SUPT3H: variants seen among roughly 807,000 people sequenced by gnomAD.
SUPT3H encodes transcription initiation protein SPT3 homolog.
SUPT3H carries 44 observed loss-of-function variants against 44.3 expected under a neutral mutation model. The observed-to-expected ratio is 0.99, with a 90% CI of 0.78 to 1.28. SUPT3H has a LOEUF of 1.28. Among genes scored for constraint, SUPT3H ranks in the 50% most tolerant of loss-of-function variants. The pLI is 0.00. For synonymous variants in SUPT3H, 124 were observed against 125.6 expected, an observed-to-expected ratio of 0.99 and a Z score of 0.09; for missense variants, 380 against 387.1, an observed-to-expected ratio of 0.98 and a Z score of 0.15.
chr6:45,354,757 T>C (rs891634330), intron 2 of SUPT3H, among the ~76,000 whole-genome samples: 4 of 152,072 alleles, frequency 2.6e-5, no homozygotes, highest in African/African-American at 9.7e-5. Context: ...CCCAGTACTT[T>C]GGGAGGCTGA....
At chr6:45,062,523 T>G (rs1792293205) in intron 3 of SUPT3H, among the ~76,000 whole-genome samples, 1 of 151,940 alleles carries the variant, frequency 6.6e-6, no homozygotes, top group Non-Finnish European at 1.5e-5. Flanking sequence ...AGAAGACGGG[T>G]GATTTCTGCA....
intron 2 of SUPT3H, among the ~76,000 whole-genome samples, chr6:45,286,199 G>A (rs889965037): frequency 2.2e-4 from 33 of 151,816 alleles, no homozygotes; most frequent in African/African-American, 4.4e-4. Flanking sequence ...AGGACTTCAT[G>A]TCTAAAACAC....
At chr6:45,079,448 GGGAAGAGGA>G (rs1447517620) in intron 3 of SUPT3H, among the ~76,000 whole-genome samples, 1 of 150,022 alleles carries the variant, frequency 6.7e-6, no homozygotes, top group African/African-American at 2.4e-5. Flanking sequence ...AAGAAGAAGG[GGGAAGAGGA>G]GGAAGAAGAA....
chr6:45,123,707 G>T (rs1169815425), intron 2 of SUPT3H, among the ~76,000 whole-genome samples: 4 of 152,132 alleles, frequency 2.6e-5, no homozygotes, highest in Non-Finnish European at 5.9e-5. Context: ...TTCTGGAAAA[G>T]GTCAGACAGT....
intron 3 of SUPT3H, among the ~76,000 whole-genome samples, chr6:45,023,347 C>T (rs1166971168): frequency 1.3e-5 from 2 of 151,764 alleles, no homozygotes; most frequent in African/African-American, 2.4e-5. Context: ...TAAATTAGTT[C>T]AACCATTGTG....
intron 2 of SUPT3H, among the ~76,000 whole-genome samples, chr6:45,291,742 C>CA (rs1562889616): frequency 1.3e-5 from 2 of 151,890 alleles, no homozygotes; most frequent in African/African-American, 2.4e-5. Flanking sequence ...CAACAAAGAC[C>CA]AAAAAAATCA....
At chr6:44,813,522 C>G (rs1458412343) in intron 11 of SUPT3H, among the ~76,000 whole-genome samples, 2 of 150,336 alleles carry the variant, frequency 1.3e-5, no homozygotes, top group Non-Finnish European at 2.9e-5. Context: ...TATATGATGT[C>G]TGGCATTCAG....
chr6:44,812,764 C>T (rs897013445), intron 11 of SUPT3H, among the ~76,000 whole-genome samples: 9 of 152,140 alleles, frequency 5.9e-5, no homozygotes, highest in Non-Finnish European at 1.0e-4. Flanking sequence ...GCCAAACAGT[C>T]TGGGAATTAT....
intron 6 of SUPT3H, among the ~76,000 whole-genome samples, chr6:44,977,410 A>G (rs1441682467): frequency 6.6e-6 from 1 of 152,210 alleles, no homozygotes; most frequent in Non-Finnish European, 1.5e-5. Context: ...ATTTCCATTT[A>G]TAGAAGAAAC....
chr6:45,127,764 T>C (rs1055909360), intron 2 of SUPT3H, among the ~76,000 whole-genome samples: 3 of 152,142 alleles, frequency 2.0e-5, no homozygotes, highest in Non-Finnish European at 4.4e-5. Context: ...CAATTTTCAC[T>C]TTTTTTATCT....
In SUPT3H at chr6:44,905,997, G is replaced by A. The variant is rs551683814; in HGVS notation, c.912+26656C>T. Among the ~76,000 whole-genome samples the A allele has an allele frequency of 1.4e-4, 21 of 152,242 alleles. No individual in the cohort carries two copies. In the East Asian group the frequency reaches 3.7e-3, roughly 27 times the overall value. On this transcript the variant is annotated intron_variant, in intron 10 of 10. Coordinates refer to ENST00000371459, the MANE Select transcript of SUPT3H (RefSeq NM_003599.4). ...CAATGAGAACACATAGACACAGGAA[G>A]GGGAACATCACACACCGGGGCCTGT... is the stretch of plus-strand genomic sequence containing the variant.
In SUPT3H at chr6:45,350,982, G is replaced by A. The variant is rs185795423; in HGVS notation, c.101+14219C>T. ...GCATTAGATTCTCCGACCCTATAGT[G>A]AACTGCACACGCGAAGGATCTAAGT... On this transcript the variant is annotated intron_variant, in intron 2 of 10. Coordinates refer to ENST00000371459, the MANE Select transcript of SUPT3H (RefSeq NM_003599.4). Among the ~76,000 whole-genome samples the A allele has an allele frequency of 5.9e-5, 9 of 152,232 alleles. No individual in the cohort carries two copies. In the East Asian group the frequency reaches 1.7e-3, roughly 29 times the overall value.
chr6:44,814,690 T>C (rs973590664), intron 11 of SUPT3H, among the ~76,000 whole-genome samples: 1 of 152,002 alleles, frequency 6.6e-6, no homozygotes, highest in African/African-American at 2.4e-5. Flanking sequence ...CTGTTATTTT[T>C]TTTTTAGACA....
chr6:44,988,519 T>TAA (rs66489332), intron 6 of SUPT3H, among the ~76,000 whole-genome samples: 11,051 of 100,130 alleles, frequency 0.11, 420 homozygotes, highest in African/African-American at 0.14. Flanking sequence ...AAGGCTTAAA[T>TAA]AAAAAAAAAA....
At chr6:45,247,302 C>T (rs1394393445) in intron 2 of SUPT3H, among the ~76,000 whole-genome samples, 2 of 152,148 alleles carry the variant, frequency 1.3e-5, no homozygotes, top group Non-Finnish European at 2.9e-5. Context: ...CAGAGCTGGC[C>T]TTCAGCTGGC....
chr6:45,230,687 T>TATATATATATATATATATATATATA (rs1562747092), intron 2 of SUPT3H, among the ~76,000 whole-genome samples: 46 of 99,672 alleles, frequency 4.6e-4, no homozygotes, highest in East Asian at 1.3e-3. Flanking sequence ...TATATATATA[T>TATATATATATATATATATATATATA]TTTTGAGATG....
intron 2 of SUPT3H, among the ~76,000 whole-genome samples, chr6:45,173,596 A>T (rs909216722): frequency 4.6e-5 from 7 of 152,190 alleles, no homozygotes; most frequent in Admixed American, 4.6e-4. Context: ...GACATCTGAC[A>T]CCTGTAGTAG....
intron 10 of SUPT3H, among the ~76,000 whole-genome samples, chr6:44,903,629 T>A (rs1215721984): frequency 6.6e-6 from 1 of 152,204 alleles, no homozygotes; most frequent in African/African-American, 2.4e-5. Context: ...CCATTCCTTC[T>A]GAAAGTATTC....
chr6:44,889,534 G>C (rs1422797074), intron 10 of SUPT3H, among the ~76,000 whole-genome samples: 3 of 152,184 alleles, frequency 2.0e-5, no homozygotes, highest in Non-Finnish European at 4.4e-5. Context: ...TTTAATAAAT[G>C]GTGCTGGGAA....
Sources: allele counts gnomAD v4.1 joint callset (sites outside exome capture counted in the v4.1 genomes callset), GRCh38; gene constraint gnomAD v4.1.1; transcripts MANE v1.5; gene names NCBI Gene and HGNC (gene_info 2026-07-23, HGNC 2026-07-21).